NEURL1: variants seen among roughly 807,000 people sequenced by gnomAD.
The protein encoded by NEURL1 is neuralized E3 ubiquitin protein ligase 1, also known as E3 ubiquitin-protein ligase NEURL1.
In NEURL1, 26 loss-of-function variants were observed where a neutral mutation model predicts 41.2. That is an observed-to-expected ratio of 0.63 (90% confidence interval 0.46 to 0.87). The LOEUF (loss-of-function observed/expected upper bound fraction) is 0.87, where lower values mean the gene tolerates loss of function less well. NEURL1 is among the 40% of genes least tolerant of loss of function. The probability of loss-of-function intolerance (pLI) is 0.00; values close to 1 mark genes in which losing one functional copy is unlikely to be tolerated. For missense variants in NEURL1, 761 were observed against 871.1 expected, an observed-to-expected ratio of 0.87 and a Z score of 1.59; for synonymous variants, 400 against 402.3, an observed-to-expected ratio of 0.99 and a Z score of 0.07.
intron 1 of NEURL1, among the ~76,000 whole-genome samples, chr10:103,534,789 C>T (rs2034655512): frequency 6.6e-6 from 1 of 152,040 alleles, no homozygotes; most frequent in Admixed American, 6.6e-5. Flanking sequence ...GAGGGTCTTG[C>T]AAGCGTATTA....
chr10:103,545,173 G>A lies in NEURL1; in HGVS notation c.86-25699G>A, dbSNP rs886469779. Among the ~76,000 whole-genome samples, 2 of 152,224 alleles carry A rather than the reference G, an allele frequency of 1.3e-5. No homozygotes were observed. Among genetic ancestry groups the A allele is most frequent in the African/African-American group, 4.8e-5 (2 of 41,462 alleles). On this transcript the variant is annotated intron_variant, in intron 1 of 5. Transcript: ENST00000369780. The surrounding 1 kb of genome is among the most constrained non-coding windows in gnomAD (Gnocchi z 4.5). ...GGGAACAGCTAGGAGCTAGAGCGGT[G>A]GGTTTCTGTCATTGCAGTCACCCTG...
chr10:103,555,358 G>A (rs775786293), intron 1 of NEURL1: 1 of 1,351,872 alleles, frequency 7.4e-7, no homozygotes, highest in Non-Finnish European at 9.8e-7. Flanking sequence ...AGCAGAGGTG[G>A]CTGCACTGCC....
chr10:103,580,279 G>A (rs1326824941), intron 3 of NEURL1, among the ~76,000 whole-genome samples: 1 of 152,238 alleles, frequency 6.6e-6, no homozygotes, highest in African/African-American at 2.4e-5. Context: ...CAGCTTAGCG[G>A]CTTCTCCTCA....
chr10:103,582,802 G>A (rs1182554107), intron 3 of NEURL1, among the ~76,000 whole-genome samples: 1 of 152,216 alleles, frequency 6.6e-6, no homozygotes, highest in African/African-American at 2.4e-5. Flanking sequence ...CAAAGGAAGG[G>A]ATCGGTCCAT....
At position 103,558,975 on chromosome 10, in the gene NEURL1, G is replaced by GA; in HGVS notation, c.86-11896dup. On this transcript the variant is annotated intron_variant, in intron 1 of 5. Transcript: ENST00000369780. This position sits in a 1 kb window ranked among gnomAD's most constrained non-coding sequence, Gnocchi z 4.2. Reference sequence around the variant, plus strand: ...GTGTCAGAGGATGCTGGCGTACAGGGACCCGAGACATTGGCTCCCACCCCC... The same window carrying GA: ...GTGTCAGAGGATGCTGGCGTACAGGGAACCCGAGACATTGGCTCCCACCCCC... 6.6e-6 allele frequency among the ~76,000 whole-genome samples: 1 copy of GA among 152,068 alleles called. No individual in the cohort carries two copies. Among genetic ancestry groups the GA allele is most frequent in the East Asian group, 1.9e-4 (1 of 5,190 alleles).
Position 103,584,613 on chromosome 10 carries a change from G to A in NEURL1, c.727G>A (p.Ala243Thr). ...GCGGCGGCCGTCGCTGCGGCGCGAGGCGGACGACGCGCGCCTCTCGGTGAG... is the reference window on the plus strand; with the variant it reads ...GCGGCGGCCGTCGCTGCGGCGCGAGACGGACGACGCGCGCCTCTCGGTGAG... The part of the protein sequence containing the change: ...ALRRPSLRRE[A>T]DDARLSVSLC... Residue 243 changes from alanine to threonine, a missense_variant, in exon 4 of 6, where the codon GCG becomes ACG. Coordinates refer to ENST00000369780, the MANE Select transcript of NEURL1 (RefSeq NM_004210.5). The A allele has an allele frequency of 7.1e-7, 1 of 1,417,104 alleles. No homozygotes were observed. The highest frequency in any genetic ancestry group is 9.2e-7 in the Non-Finnish European group (1 of 1,091,500). 87.8% of individuals were successfully genotyped at this position (1,417,104 alleles called of 1,614,324 possible).
chr10:103,513,916 G>A (rs1006583917), intron 1 of NEURL1, among the ~76,000 whole-genome samples: 8 of 151,934 alleles, frequency 5.3e-5, no homozygotes, highest in Middle Eastern at 3.2e-3. Context: ...GAGGTGAGAG[G>A]AGAGGGAGAG....
intron 3 of NEURL1, among the ~76,000 whole-genome samples, chr10:103,581,771 C>T (rs1159177866): frequency 6.6e-6 from 1 of 152,140 alleles, no homozygotes; most frequent in Non-Finnish European, 1.5e-5. Flanking sequence ...TGTTCATTAT[C>T]TAAGAGGTGG....
rs149706039 is a variant in NEURL1 at position 103,504,837 on chromosome 10, G to C, written c.85+10365G>C. Among the ~76,000 whole-genome samples the C allele has an allele frequency of 2.7e-3, 404 of 152,248 alleles. 1 individual carries two copies. The highest frequency in any genetic ancestry group is 0.017 in the Middle Eastern group (5 of 294). ...GAAGGAGAAACTAGGGAGCTATAAG[G>C]GGGGAACTTGACTTGGTCTTGGGGA... On this transcript the variant is annotated intron_variant, in intron 1 of 5. Coordinates refer to ENST00000369780, the MANE Select transcript of NEURL1 (RefSeq NM_004210.5).
chr10:103,523,826 G>T lies in NEURL1; in HGVS notation c.85+29354G>T, dbSNP rs373214196. Among the ~76,000 whole-genome samples the T allele has an allele frequency of 2.6e-5, 4 of 151,996 alleles. No homozygotes were observed. The South Asian group carries it at 8.3e-4, about 32-fold the overall frequency. ...TTCCATTGTGTATATATACCACATT[G>T]TCTTTATCCATTTACTTGTTGATCG... On this transcript the variant is annotated intron_variant, in intron 1 of 5. Transcript: ENST00000369780.
Position 103,590,799 on chromosome 10 carries a change from C to T in NEURL1, c.*427C>T, listed in dbSNP as rs1021871521. On this transcript the variant is annotated 3_prime_UTR_variant, in exon 6 of 6. Coordinates refer to ENST00000369780, the MANE Select transcript of NEURL1 (RefSeq NM_004210.5). ...GCAGCCCTGAGCCAGGACATGTGGC[C>T]TGGCTAGTGCAGCATGGAGTGGATT... 1 of 234,172 alleles carries T rather than the reference C, an allele frequency of 4.3e-6. No homozygotes were observed. Among genetic ancestry groups the T allele is most frequent in the African/African-American group, 2.3e-5 (1 of 44,280 alleles). The allele number at this position is 234,172 out of a possible 1,614,324, so 14.5% of individuals were successfully genotyped here.
At position 103,570,971 on chromosome 10, in the gene NEURL1, C is replaced by T. The variant is rs755430456; in HGVS notation, c.185C>T (p.Pro62Leu). 2.0e-5 allele frequency: 32 copies of T among 1,613,918 alleles called. No individual in the cohort carries two copies. Among genetic ancestry groups the T allele is most frequent in the East Asian group, 4.5e-5 (2 of 44,880 alleles). ...VLPSGGLPAT[P>L]LLFHPHTKGS... ...CCCAGCGGGGGGCTCCCAGCCACGC[C>T]GCTGCTCTTCCACCCGCACACCAAG... is the stretch of plus-strand genomic sequence containing the variant. Residue 62 changes from proline (P) to leucine (L), a missense_variant, in exon 2 of 6, where the codon CCG becomes CTG. Around this residue, in one of 5 missense-constraint regions of NEURL1, gnomAD observed 94 missense variants for 96.6 expected, o/e 0.97. Coordinates refer to ENST00000369780, the MANE Select transcript of NEURL1 (RefSeq NM_004210.5).
At chr10:103,503,624 C>T (rs958672436) in intron 1 of NEURL1, among the ~76,000 whole-genome samples, 1 of 152,142 alleles carries the variant, frequency 6.6e-6, no homozygotes, top group East Asian at 1.9e-4. Context: ...CCTTCCTGGG[C>T]ACGCCGATAC....
chr10:103,541,970 A>T (rs1160464704), intron 1 of NEURL1, among the ~76,000 whole-genome samples: 1 of 152,172 alleles, frequency 6.6e-6, no homozygotes, highest in African/African-American at 2.4e-5. Context: ...GGACACAGTG[A>T]TATCTGGAGA....
intron 1 of NEURL1, among the ~76,000 whole-genome samples, chr10:103,519,946 G>A (rs1320291876): frequency 1.3e-5 from 2 of 151,634 alleles, no homozygotes; most frequent in Non-Finnish European, 2.9e-5. Flanking sequence ...AGCATACTCT[G>A]GCTAATTTTT....
intron 1 of NEURL1, among the ~76,000 whole-genome samples, chr10:103,498,906 A>T (rs1397003415): frequency 1.3e-5 from 2 of 152,198 alleles, no homozygotes; most frequent in South Asian, 4.1e-4. Context: ...CTATTGTAAG[A>T]GTATGCCACA....
chr10:103,496,050 C>T (rs929360308), intron 1 of NEURL1, among the ~76,000 whole-genome samples: 1 of 151,236 alleles, frequency 6.6e-6, no homozygotes, highest in African/African-American at 2.4e-5. Flanking sequence ...ATGGAAGTTG[C>T]AGTGAGCTGA....
At chr10:103,505,592 T>G (rs2033928251) in intron 1 of NEURL1, among the ~76,000 whole-genome samples, 1 of 152,168 alleles carries the variant, frequency 6.6e-6, no homozygotes, top group South Asian at 2.1e-4. Context: ...CTCAAACTCC[T>G]GGCCTCAAGT....
At chr10:103,552,299 C>T (rs994656432) in intron 1 of NEURL1, among the ~76,000 whole-genome samples, 1 of 152,176 alleles carries the variant, frequency 6.6e-6, no homozygotes. Flanking sequence ...AGTCTTCGCC[C>T]TTCTCCTCAA....
Sources: allele counts gnomAD v4.1 joint callset (sites outside exome capture counted in the v4.1 genomes callset), GRCh38; gene constraint gnomAD v4.1.1; regional missense constraint gnomAD v4.1.1; non-coding constraint Gnocchi (gnomAD v3.1); transcripts MANE v1.5; gene names NCBI Gene and HGNC (gene_info 2026-07-23, HGNC 2026-07-21).